Variants in MARCHF8 observed in about 807,000 individuals in gnomAD.
MARCHF8 encodes the protein membrane associated ring-CH-type finger 8.
Under a neutral mutation model 51.6 loss-of-function variants are expected in MARCHF8, and 40 were observed. The observed-to-expected ratio is 0.77, with a 90% confidence interval of 0.60 to 1.01. The LOEUF is 1.01. Among genes scored for constraint, MARCHF8 ranks in the 50% least tolerant of loss-of-function variants. The probability of loss-of-function intolerance (pLI) is 0.00; values close to 1 mark genes in which losing one functional copy is unlikely to be tolerated. For synonymous variants in MARCHF8, 263 were observed against 280.3 expected (o/e 0.94, Z 0.62); for missense variants, 685 against 708.6 (o/e 0.97, Z 0.38).
intron 1 of MARCHF8, among the ~76,000 whole-genome samples, chr10:45,581,573 ATATCT>A (rs2044556096): frequency 6.6e-6 from 1 of 152,328 alleles, no homozygotes; most frequent in African/African-American, 2.4e-5. Context: ...GCTCCTATAA[ATATCT>A]TATATTTCTT....
chr10:45,499,703 C>G (rs1023101698), intron 2 of MARCHF8, among the ~76,000 whole-genome samples: 1 of 152,158 alleles, frequency 6.6e-6, no homozygotes, highest in African/African-American at 2.4e-5. Flanking sequence ...CCTTTCCTCA[C>G]TGACTAGTCT....
chr10:45,536,593 A>T (rs12765244), upstream of MARCHF8, among the ~76,000 whole-genome samples: 9,339 of 141,058 alleles, frequency 0.066, 330 homozygotes, highest in African/African-American at 0.077. Flanking sequence ...ATAAATGTTA[A>T]AAAAAAAAAA....
At chr10:45,540,511 A>C (rs1406359622) in intron 1 of MARCHF8, among the ~76,000 whole-genome samples, 22 of 152,170 alleles carry the variant, frequency 1.4e-4, no homozygotes, top group Admixed American at 1.4e-3. Context: ...GGCATGGGCA[A>C]GGACTTCATG....
intron 1 of MARCHF8, among the ~76,000 whole-genome samples, chr10:45,581,437 C>G (rs949298363): frequency 2.0e-5 from 3 of 152,176 alleles, no homozygotes; most frequent in Admixed American, 1.3e-4. Flanking sequence ...TGTAAACACA[C>G]ACATTACCTC....
In MARCHF8 at chr10:45,464,287, G is replaced by A; in HGVS notation, c.194C>T (p.Ser65Phe). The A allele has an allele frequency of 6.2e-7, 1 of 1,614,180 alleles. No individual in the cohort carries two copies. The highest frequency in any genetic ancestry group is 1.1e-5 in the South Asian group (1 of 91,082). ...PPSASAPAPVSSFSRTSITPS... is the reference protein window; with the variant it reads ...PPSASAPAPVFSFSRTSITPS... ...CGTGATAGAAGTGCGAGAGAAGGAG[G>A]ACACCGGAGCCGGAGCTGATGCTGA... is the stretch of plus-strand genomic sequence containing the variant. Residue 65 changes from serine (S) to phenylalanine (F), a missense_variant, in exon 4 of 8, where the codon TCC becomes TTC. Transcript: ENST00000453424.
chr10:45,529,143 A>G (rs1326162969), intron 2 of MARCHF8, among the ~76,000 whole-genome samples: 1 of 152,228 alleles, frequency 6.6e-6, no homozygotes, highest in Admixed American at 6.5e-5. Flanking sequence ...TACAGAACCC[A>G]AATTAAAGAC....
chr10:45,501,693 G>A (rs770695621), intron 2 of MARCHF8, among the ~76,000 whole-genome samples: 1 of 151,996 alleles, frequency 6.6e-6, no homozygotes, highest in Non-Finnish European at 1.5e-5. Context: ...CCGCTAAAAG[G>A]CTGAAGATAA....
intron 1 of MARCHF8, among the ~76,000 whole-genome samples, chr10:45,593,849 A>G (rs541613279): frequency 6.6e-6 from 1 of 152,362 alleles, no homozygotes; most frequent in African/African-American, 2.4e-5. Flanking sequence ...ACACATGCAA[A>G]GAATTCATTT....
chr10:45,518,980 G>T (rs2043663812), intron 2 of MARCHF8, among the ~76,000 whole-genome samples: 1 of 152,172 alleles, frequency 6.6e-6, no homozygotes, highest in African/African-American at 2.4e-5. Flanking sequence ...TGTTACAAAA[G>T]AAGTAACAAG....
At chr10:45,588,365 C>T (rs1008819368) in intron 1 of MARCHF8, among the ~76,000 whole-genome samples, 5 of 152,178 alleles carry the variant, frequency 3.3e-5, no homozygotes, top group Admixed American at 6.5e-5. Flanking sequence ...TTCTATGAGA[C>T]GGTAGTTTTG....
At chr10:45,490,963 T>A (rs1483848603) in intron 2 of MARCHF8, among the ~76,000 whole-genome samples, 1 of 152,070 alleles carries the variant, frequency 6.6e-6, no homozygotes, top group Admixed American at 6.5e-5. Context: ...AGTGGCACAA[T>A]CACAATCATG....
chr10:45,539,286 AC>A (rs2044018211), upstream of MARCHF8, among the ~76,000 whole-genome samples: 1 of 152,208 alleles, frequency 6.6e-6, no homozygotes. Flanking sequence ...CAAACACACA[AC>A]ATACCAGAAT....
intron 1 of MARCHF8, among the ~76,000 whole-genome samples, chr10:45,551,533 A>G (rs2044194606): frequency 1.3e-5 from 2 of 151,986 alleles, no homozygotes. Flanking sequence ...CACCACACCC[A>G]GCTTCTAAAT....
chr10:45,559,948 C>A (rs2044290823), intron 1 of MARCHF8, among the ~76,000 whole-genome samples: 1 of 152,078 alleles, frequency 6.6e-6, no homozygotes. Context: ...AGGGAGCGGG[C>A]CTCGGCAGTG....
chr10:45,541,286 T>A (rs2044048818), intron 1 of MARCHF8, among the ~76,000 whole-genome samples: 1 of 152,206 alleles, frequency 6.6e-6, no homozygotes, highest in Non-Finnish European at 1.5e-5. Context: ...TGGATGAAGC[T>A]GGAAACCATC....
intron 2 of MARCHF8, among the ~76,000 whole-genome samples, chr10:45,492,487 C>T (rs748063522): frequency 9.2e-5 from 14 of 151,960 alleles, no homozygotes; most frequent in South Asian, 4.2e-4. Flanking sequence ...TTAGTAGAGA[C>T]GGGGTTTCAC....
At position 45,565,248 on chromosome 10, in the gene MARCHF8, T is replaced by C. The variant is rs117000493; in HGVS notation, c.-79+28987A>G. ...GAGTTCAAGACCAGCCTGGGCAACA[T>C]GGTGAAATCCCAACTCTACAAAAAG... On this transcript the variant is annotated intron_variant, in intron 1 of 6. Transcript: ENST00000319836. 4.7e-3 allele frequency among the ~76,000 whole-genome samples: 720 copies of C among 151,930 alleles called. 12 individuals are homozygous for C. In the East Asian group the frequency reaches 0.058, roughly 12 times the overall value.
At chr10:45,550,686 T>G (rs78363416) in intron 1 of MARCHF8, among the ~76,000 whole-genome samples, 9,359 of 152,164 alleles carry the variant, frequency 0.062, 322 homozygotes, top group Non-Finnish European at 0.066. Flanking sequence ...ACATGCCATG[T>G]ACAACCTTAC....
intron 1 of MARCHF8, among the ~76,000 whole-genome samples, chr10:45,588,176 AAG>A (rs1235592358): frequency 6.6e-6 from 1 of 152,080 alleles, no homozygotes; most frequent in Non-Finnish European, 1.5e-5. Context: ...AAAAAAAAAA[AAG>A]AAAATCCTTA....
Sources: allele counts gnomAD v4.1 joint callset (sites outside exome capture counted in the v4.1 genomes callset), GRCh38; gene constraint gnomAD v4.1.1; transcripts MANE v1.5; gene names NCBI Gene and HGNC (gene_info 2026-07-23, HGNC 2026-07-21).